The following NUP88 variants were observed in gnomAD, a reference collection of about 807,000 sequenced individuals.
NUP88 encodes nucleoporin 88.
Under a neutral mutation model 93.9 loss-of-function variants are expected in NUP88, and 57 were observed. The observed-to-expected ratio is 0.61, with a 90% CI of 0.49 to 0.76. NUP88 has a LOEUF of 0.76. NUP88 is among the 30% of genes least tolerant of loss of function. NUP88 has a pLI of 0.00. For synonymous variants in NUP88, 346 were observed against 336.8 expected, an observed-to-expected ratio of 1.03 and a Z score of -0.30; for missense variants, 911 against 901.0, an observed-to-expected ratio of 1.01 and a Z score of -0.14.
chr17:5,386,974 C>T lies in NUP88; in HGVS notation c.2043+10G>A, dbSNP rs751268451. ...ATTACCAAATTTAGCTAGTTTGGAT[C>T]TATTCCTACCTGTTTGATGGCATTG... On this transcript the variant is annotated intron_variant, in intron 15 of 16. Transcript: ENST00000573584. 1.7e-5 allele frequency: 27 copies of T among 1,611,032 alleles called. No homozygotes were observed. The highest frequency in any genetic ancestry group is 2.2e-5 in the Non-Finnish European group (26 of 1,179,266).
rs775368499 is a variant in NUP88, at chr17:5,410,775, C to T, written c.608G>A (p.Arg203His). The T allele has an allele frequency of 3.9e-5, 62 of 1,609,472 alleles. No individual in the cohort carries two copies. In the East Asian group the frequency reaches 4.2e-4, roughly 11 times the overall value. ...CACGTTAGTGGGTGTCTGCGGCTCA[C>T]GTAGTGAGTAAATTCTAGCAACCAA... ...SDNVIRIYSL[R>H]EPQTPTNVII... The change falls in exon 4 of 17, where the codon CGT becomes CAT. Residue 203 changes from arginine (R) to histidine (H), a missense_variant. Arg to His is a conservative substitution (Grantham distance 29). Coordinates refer to ENST00000573584, the MANE Select transcript of NUP88 (RefSeq NM_002532.6).
At position 5,386,219 on chromosome 17, in the gene NUP88, T is replaced by C. The variant is rs752602041; in HGVS notation, c.2213A>G (p.His738Arg). 1 of 1,613,502 alleles carries C rather than the reference T, an allele frequency of 6.2e-7. No individual in the cohort carries two copies. Among genetic ancestry groups the C allele is most frequent in the South Asian group, 1.1e-5 (1 of 90,934 alleles). The change falls in exon 17 of 17, where the codon CAT (histidine) becomes CGT (arginine). Residue 738 changes from histidine to arginine, a missense_variant. Transcript: ENST00000573584. ...MVKQINDIRN[H>R]VNF ...CTCCTGGTGGTGTCAGAAGTTTACA[T>C]GATTGCGGATATCATTGATTTGCTT...
At chr17:5,404,489 C>G (rs1913371040) in intron 6 of NUP88, among the ~76,000 whole-genome samples, 1 of 152,084 alleles carries the variant, frequency 6.6e-6, no homozygotes, top group South Asian at 2.1e-4. Flanking sequence ...TGGTGGGTGC[C>G]TGTAATCCCA....
rs370566728 is a variant in NUP88 at position 5,394,205 on chromosome 17, C to T, written c.1382+686G>A. Among the ~76,000 whole-genome samples the T allele has an allele frequency of 1.2e-4, 18 of 152,202 alleles. No homozygotes were observed. In the East Asian group the frequency reaches 1.7e-3, roughly 15 times the overall value. ...GAAGCCATGATTACGGCAGAAGTTA[C>T]TCAGGAAAGGACCTAGAAAGAATAG... On this transcript the variant is annotated intron_variant, in intron 9 of 16. Coordinates refer to ENST00000573584, the MANE Select transcript of NUP88 (RefSeq NM_002532.6).
chr17:5,412,368 A>C (rs1913886945), intron 3 of NUP88, among the ~76,000 whole-genome samples: 1 of 152,162 alleles, frequency 6.6e-6, no homozygotes, highest in South Asian at 2.1e-4. Context: ...TACCTGTAAT[A>C]AGGGAGACTG....
At chr17:5,415,144 T>C (rs929921111) in intron 2 of NUP88, among the ~76,000 whole-genome samples, 2 of 151,906 alleles carry the variant, frequency 1.3e-5, no homozygotes, top group African/African-American at 4.8e-5. Flanking sequence ...CTTAACCTCC[T>C]GAGTAGCTGG....
At chr17:5,390,642 T>C (rs3026128) in intron 10 of NUP88, among the ~76,000 whole-genome samples, 66,367 of 151,902 alleles carry the variant, frequency 0.44, 15,267 homozygotes, top group East Asian at 0.84. Flanking sequence ...AAAAGGAACA[T>C]AGTGATTACA....
rs1806254 is a variant in NUP88 at position 5,410,868 on chromosome 17, G to A, written c.594-79C>T. The A allele has an allele frequency of 0.016, 13,530 of 868,996 alleles. 951 individuals carry two copies. In the East Asian group the frequency reaches 0.17, roughly 11 times the overall value. 53.8% of individuals were successfully genotyped at this position (868,996 alleles called of 1,614,324 possible). A position where few individuals can be genotyped will look rare whatever the true frequency, so the allele number is the denominator to read the frequency against. ...AAAACTGCACTTTCCTCTCCATCTA[G>A]TCAGTTCTTGAGAATTTTCTAACAC... is the stretch of plus-strand genomic sequence containing the variant. On this transcript the variant is annotated intron_variant, in intron 3 of 16. Transcript: ENST00000573584.
chr17:5,395,315 G>A (rs777455620), intron 8 of NUP88, among the ~76,000 whole-genome samples: 156 of 123,780 alleles, frequency 1.3e-3, no homozygotes, highest in Non-Finnish European at 2.0e-3. Flanking sequence ...GAAGTGTTTT[G>A]GATTTCACAT....
rs774993752 is a variant in NUP88, at chr17:5,414,085, G to C, written c.517C>G (p.Leu173Val). The C allele has an allele frequency of 1.9e-6, 3 of 1,613,822 alleles. No homozygotes were observed. Among genetic ancestry groups the C allele is most frequent in the East Asian group, 4.5e-5 (2 of 44,882 alleles). ...CTTGGATACCATGCAGCATGCTTTA[G>C]AGTCAGAGAGGTGGAACTGGTGAAA... ...RFFTSSTSLT[L>V]KHAAWYPSEI... is the part of the protein sequence containing the mutation. Residue 173 changes from leucine to valine, a missense_variant, in exon 3 of 17, where the codon CTA (leucine) becomes GTA (valine). Leu to Val is a conservative substitution (Grantham distance 32). Transcript: ENST00000573584.
At position 5,387,651 on chromosome 17, in the gene NUP88, G is replaced by C; in HGVS notation, c.1789C>G (p.Gln597Glu). The change falls in exon 13 of 17, where the codon CAA (glutamine) becomes GAA (glutamate). Residue 597 changes from glutamine (Q) to glutamate (E), a missense_variant. By Grantham distance (29) the Gln-to-Glu change is conservative. Coordinates refer to ENST00000573584, the MANE Select transcript of NUP88 (RefSeq NM_002532.6). Reference sequence around the variant, plus strand: ...AGATCTTCTAGTTGTTTCTTTTTTTGGTCACATAATAATTTGACCCTTTAA... The same window carrying C: ...AGATCTTCTAGTTGTTTCTTTTTTTCGTCACATAATAATTTGACCCTTTAA... ...IQRRVKLLCD[Q>E]KKKQLEDLSY... The C allele has an allele frequency of 6.2e-7, 1 of 1,610,362 alleles. No individual in the cohort carries two copies. Among genetic ancestry groups the C allele is most frequent in the Non-Finnish European group, 8.5e-7 (1 of 1,178,714 alleles).
intron 8 of NUP88, among the ~76,000 whole-genome samples, chr17:5,396,037 G>A (rs1046113427): frequency 6.9e-4 from 105 of 151,934 alleles, no homozygotes; most frequent in African/African-American, 2.4e-3. Context: ...ATAGCGAGAC[G>A]CCGTCTCTAC....
intron 8 of NUP88, among the ~76,000 whole-genome samples, chr17:5,396,208 T>C (rs1169185619): frequency 6.6e-6 from 1 of 151,834 alleles, no homozygotes; most frequent in African/African-American, 2.4e-5. Context: ...TGAAACTCCG[T>C]CTAAAAAAAA....
chr17:5,409,190 A>G (rs1413990555), intron 4 of NUP88, among the ~76,000 whole-genome samples: 4 of 152,168 alleles, frequency 2.6e-5, no homozygotes, highest in Non-Finnish European at 5.9e-5. Flanking sequence ...CCTGGCCAAC[A>G]TGGTGAAACC....
intron 8 of NUP88, among the ~76,000 whole-genome samples, chr17:5,396,510 C>G (rs1352576812): frequency 6.6e-6 from 1 of 152,178 alleles, no homozygotes; most frequent in Non-Finnish European, 1.5e-5. Flanking sequence ...TATAGACACA[C>G]CACATTTTAT....
chr17:5,399,743 A>G lies in NUP88; in HGVS notation c.1193-93T>C, dbSNP rs77648571. The G allele has an allele frequency of 1.1e-4, 64 of 592,020 alleles. No homozygotes were observed. The East Asian group carries it at 1.5e-3, about 14-fold the overall frequency. The allele number at this position is 592,020 out of a possible 1,614,324, so 36.7% of individuals were successfully genotyped here. ...GTTGGCTACTCCACATTAGCCTACA[A>G]ACGCATTTGTTGATGGAAGGTTTTA... On this transcript the variant is annotated intron_variant, in intron 7 of 16. Coordinates refer to ENST00000573584, the MANE Select transcript of NUP88 (RefSeq NM_002532.6).
intron 8 of NUP88, among the ~76,000 whole-genome samples, chr17:5,398,669 C>T (rs1912942519): frequency 6.6e-6 from 1 of 151,700 alleles, no homozygotes; most frequent in Middle Eastern, 3.4e-3. Flanking sequence ...CGGCTCACTG[C>T]AACCTCCATC....
At chr17:5,391,406 C>A in intron 10 of NUP88, 155 bp downstream of exon 10, 1 of 609,748 alleles carries the variant, frequency 1.6e-6, no homozygotes, top group Non-Finnish European at 2.9e-6. Flanking sequence ...GAGATGATGG[C>A]AGGAACAGAA....
chr17:5,418,904 G>A (rs1337015497), intron 1 of NUP88, among the ~76,000 whole-genome samples: 2 of 152,182 alleles, frequency 1.3e-5, no homozygotes, highest in Non-Finnish European at 1.5e-5. Context: ...CGTTACGGGG[G>A]TAAGAATTAA....
Sources: allele counts gnomAD v4.1 joint callset (sites outside exome capture counted in the v4.1 genomes callset), GRCh38; gene constraint gnomAD v4.1.1; transcripts MANE v1.5; gene names NCBI Gene and HGNC (gene_info 2026-07-23, HGNC 2026-07-21).